Variants in PPP2R2C observed in about 807,000 individuals in gnomAD.
The protein encoded by PPP2R2C is protein phosphatase 2 regulatory subunit Bgamma, also known as protein phosphatase 2, regulatory subunit B, gamma.
Under a neutral mutation model 45.3 loss-of-function variants are expected in PPP2R2C, and 10 were observed. That is an observed-to-expected ratio of 0.22 (90% CI 0.14 to 0.37). PPP2R2C has a LOEUF of 0.37. Among genes scored for constraint, PPP2R2C ranks in the 10% least tolerant of loss-of-function variants. The pLI is 1.00. For missense variants in PPP2R2C, 308 were observed against 619.7 expected (o/e 0.50, Z 5.34); for synonymous variants, 257 against 245.4 (o/e 1.05, Z -0.44).
chr4:6,340,678 C>A (rs1012551702), intron 6 of PPP2R2C, among the ~76,000 whole-genome samples: 1 of 152,236 alleles, frequency 6.6e-6, no homozygotes, highest in Non-Finnish European at 1.5e-5. Context: ...CCCCAGCCAG[C>A]CCCCACTTCT....
intron 2 of PPP2R2C, among the ~76,000 whole-genome samples, chr4:6,491,984 C>T (rs1021294306): frequency 6.6e-6 from 1 of 152,208 alleles, no homozygotes; most frequent in African/African-American, 2.4e-5. Context: ...TCCACTGGCT[C>T]TGCTGCAGGG....
At chr4:6,338,834 G>T (rs1441051950) in intron 6 of PPP2R2C, among the ~76,000 whole-genome samples, 1 of 152,102 alleles carries the variant, frequency 6.6e-6, no homozygotes, top group African/African-American at 2.4e-5. Flanking sequence ...GCCATGTGCT[G>T]GGCAGAGAGC....
intron 2 of PPP2R2C, among the ~76,000 whole-genome samples, chr4:6,487,023 T>C (rs969493395): frequency 2.0e-5 from 3 of 152,116 alleles, no homozygotes; most frequent in Non-Finnish European, 4.4e-5. Flanking sequence ...GTTTTAGTAG[T>C]TATTTTAAGG....
chr4:6,421,749 A>C (rs942145881), intron 1 of PPP2R2C, among the ~76,000 whole-genome samples: 1 of 150,134 alleles, frequency 6.7e-6, no homozygotes, highest in Non-Finnish European at 1.5e-5. Flanking sequence ...GGGGACTGAC[A>C]TCTTCTGAGA....
intron 6 of PPP2R2C, among the ~76,000 whole-genome samples, chr4:6,343,383 G>T (rs906797934): frequency 6.6e-6 from 1 of 152,136 alleles, no homozygotes; most frequent in African/African-American, 2.4e-5. Flanking sequence ...AAATATTCTA[G>T]AAAAATTTTA....
intron 2 of PPP2R2C, among the ~76,000 whole-genome samples, chr4:6,490,646 G>C (rs1420683163): frequency 6.6e-6 from 1 of 152,164 alleles, no homozygotes; most frequent in Non-Finnish European, 1.5e-5. Context: ...ACATCCCCTA[G>C]AGTGAGGTGG....
At chr4:6,371,433 G>A (rs759453860) in intron 5 of PPP2R2C, among the ~76,000 whole-genome samples, 17 of 152,170 alleles carry the variant, frequency 1.1e-4, no homozygotes, top group Middle Eastern at 3.2e-3. Context: ...CTACTGCTCC[G>A]AGGGACACAG....
chr4:6,469,435 G>T (rs1021670151), intron 1 of PPP2R2C, among the ~76,000 whole-genome samples: 3 of 152,196 alleles, frequency 2.0e-5, no homozygotes, highest in Admixed American at 6.5e-5. Flanking sequence ...TTGTGCACCT[G>T]GTTCTTCCGC....
chr4:6,561,200 G>A (rs1725562515), intron 1 of PPP2R2C, among the ~76,000 whole-genome samples: 1 of 152,196 alleles, frequency 6.6e-6, no homozygotes, highest in Non-Finnish European at 1.5e-5. Flanking sequence ...CTGTGGGAAG[G>A]GGAAATGCCT....
rs757798217 is a variant in PPP2R2C, at chr4:6,332,646, G to A, written c.960+916C>T. Among the ~76,000 whole-genome samples, 11 of 152,148 alleles carry A rather than the reference G, an allele frequency of 7.2e-5. No individual in the cohort carries two copies. The highest frequency in any genetic ancestry group is 4.8e-5 in the African/African-American group (2 of 41,434). ...GCTCTGAATCTGTCACCGCCCAGCCGAGAGACACCTCCCTCATCTCCCTAC... is the reference window on the plus strand; with the variant it reads ...GCTCTGAATCTGTCACCGCCCAGCCAAGAGACACCTCCCTCATCTCCCTAC... On this transcript the variant is annotated intron_variant, in intron 7 of 8. Coordinates refer to ENST00000382599, the MANE Select transcript of PPP2R2C (RefSeq NM_020416.4). This position sits in a 1 kb window ranked among gnomAD's most constrained non-coding sequence, Gnocchi z 4.9.
At chr4:6,510,980 C>CAACAAAAAAA (rs1553905389) in intron 2 of PPP2R2C, among the ~76,000 whole-genome samples, 1 of 41,340 alleles carries the variant, frequency 2.4e-5, no homozygotes, top group Admixed American at 3.0e-4. Flanking sequence ...CCGTCTCAAA[C>CAACAAAAAAA]AAAAAAAAAC....
At chr4:6,388,941 G>A (rs1397994822) in intron 1 of PPP2R2C, among the ~76,000 whole-genome samples, 5 of 152,210 alleles carry the variant, frequency 3.3e-5, no homozygotes, top group East Asian at 3.9e-4. Flanking sequence ...TCCAGCCCCC[G>A]AGAACTGGGC....
At chr4:6,356,044 C>T (rs996117248) in intron 5 of PPP2R2C, among the ~76,000 whole-genome samples, 9 of 148,108 alleles carry the variant, frequency 6.1e-5, no homozygotes, top group Non-Finnish European at 1.2e-4. Context: ...AAGCACGTCA[C>T]ACGTGCTGCG....
chr4:6,438,552 A>G (rs7340834), intron 1 of PPP2R2C, among the ~76,000 whole-genome samples: 3,019 of 152,286 alleles, frequency 0.02, 113 homozygotes, highest in African/African-American at 0.069. Flanking sequence ...AGATTGTATA[A>G]TGGTTGGAAT....
intron 1 of PPP2R2C, among the ~76,000 whole-genome samples, chr4:6,454,674 G>A (rs1031175660): frequency 6.6e-6 from 1 of 152,182 alleles, no homozygotes; most frequent in Non-Finnish European, 1.5e-5. Context: ...AGAATAAAAT[G>A]GTTCTCATCA....
intron 6 of PPP2R2C, among the ~76,000 whole-genome samples, chr4:6,346,043 C>T (rs1039032000): frequency 6.6e-6 from 1 of 152,178 alleles, no homozygotes; most frequent in Non-Finnish European, 1.5e-5. Context: ...CTCAAACCAA[C>T]CACAGAGTCA....
At chr4:6,432,326 C>T (rs1467796817) in intron 1 of PPP2R2C, among the ~76,000 whole-genome samples, 2 of 152,244 alleles carry the variant, frequency 1.3e-5, no homozygotes, top group Admixed American at 1.3e-4. Context: ...TTCTGGGGCT[C>T]ACAGTGGACT....
At chr4:6,559,602 T>A (rs1393438082) in intron 1 of PPP2R2C, among the ~76,000 whole-genome samples, 2 of 152,052 alleles carry the variant, frequency 1.3e-5, no homozygotes, top group Non-Finnish European at 2.9e-5. Flanking sequence ...TCCCCCTGAA[T>A]TCCTATGTTG....
Position 6,358,018 on chromosome 4 carries a change from C to T in PPP2R2C, c.626-10008G>A, listed in dbSNP as rs187528008. Among the ~76,000 whole-genome samples the T allele has an allele frequency of 2.9e-3, 442 of 152,278 alleles. 2 individuals carry two copies. The highest frequency in any genetic ancestry group is 9.6e-3 in the African/African-American group (400 of 41,558). On this transcript the variant is annotated intron_variant, in intron 5 of 8. Transcript: ENST00000382599. ...ATTCATATGGAACCAAAAAAGAGCC[C>T]GCATTCCCAAGACAATCCTAAGCAA... is the stretch of plus-strand genomic sequence containing the variant.
Sources: allele counts gnomAD v4.1 joint callset (sites outside exome capture counted in the v4.1 genomes callset), GRCh38; gene constraint gnomAD v4.1.1; non-coding constraint Gnocchi (gnomAD v3.1); transcripts MANE v1.5; gene names NCBI Gene and HGNC (gene_info 2026-07-23, HGNC 2026-07-21).